LAMA2: variants seen among roughly 807,000 people sequenced by gnomAD.
LAMA2 encodes the protein laminin subunit alpha-2.
In LAMA2, 269 loss-of-function variants were observed where a neutral mutation model predicts 364.8. The observed-to-expected ratio is 0.74, with a 90% confidence interval of 0.67 to 0.82. LAMA2 has a LOEUF of 0.82. Among genes scored for constraint, LAMA2 ranks in the 40% least tolerant of loss-of-function variants. The probability of loss-of-function intolerance (pLI) is 0.00; values close to 1 mark genes in which losing one functional copy is unlikely to be tolerated. For synonymous variants in LAMA2, 1,379 were observed against 1,370.6 expected, an observed-to-expected ratio of 1.01 and a Z score of -0.14; for missense variants, 3,807 against 3,873.2, an observed-to-expected ratio of 0.98 and a Z score of 0.45.
intron 3 of LAMA2, among the ~76,000 whole-genome samples, chr6:129,067,943 C>T (rs1281209913): frequency 2.0e-5 from 3 of 152,182 alleles, no homozygotes; most frequent in African/African-American, 2.4e-5. Context: ...AAACCACTTT[C>T]CTGCTTTATT....
At chr6:128,886,478 A>T (rs1481215649) in intron 1 of LAMA2, among the ~76,000 whole-genome samples, 1 of 152,218 alleles carries the variant, frequency 6.6e-6, no homozygotes, top group East Asian at 1.9e-4. Flanking sequence ...ATAGAAGCAC[A>T]TAGGTCTGTT....
At chr6:129,477,933 C>T (rs1036842561) in intron 53 of LAMA2, among the ~76,000 whole-genome samples, 13 of 152,112 alleles carry the variant, frequency 8.5e-5, no homozygotes, top group African/African-American at 2.9e-4. Context: ...TCCAGGCACA[C>T]ACCAACATGC....
At chr6:129,177,234 G>T (rs1019138502) in intron 9 of LAMA2, among the ~76,000 whole-genome samples, 1 of 152,136 alleles carries the variant, frequency 6.6e-6, no homozygotes, top group African/African-American at 2.4e-5. Flanking sequence ...CCAGTGGCAT[G>T]TTCTTAGAGT....
At chr6:129,006,301 T>G (rs1000189780) in intron 1 of LAMA2, among the ~76,000 whole-genome samples, 1 of 152,216 alleles carries the variant, frequency 6.6e-6, no homozygotes, top group Non-Finnish European at 1.5e-5. Flanking sequence ...AATGGAAATT[T>G]TAACATGCTT....
chr6:129,189,310 T>C (rs187970766), intron 10 of LAMA2, among the ~76,000 whole-genome samples: 1 of 152,248 alleles, frequency 6.6e-6, no homozygotes, highest in Non-Finnish European at 1.5e-5. Context: ...AATGCGTATG[T>C]AGGGAATATT....
At chr6:129,214,948 T>C (rs930955541) in intron 12 of LAMA2, among the ~76,000 whole-genome samples, 1 of 152,234 alleles carries the variant, frequency 6.6e-6, no homozygotes, top group African/African-American at 2.4e-5. Flanking sequence ...TTGATTTCTT[T>C]CACTGGAGTT....
intron 52 of LAMA2, among the ~76,000 whole-genome samples, chr6:129,474,966 C>T (rs955402777): frequency 6.6e-6 from 1 of 152,072 alleles, no homozygotes; most frequent in South Asian, 2.1e-4. Context: ...GACAGGTTCT[C>T]AGTATGACAA....
intron 1 of LAMA2, among the ~76,000 whole-genome samples, chr6:128,998,356 T>G (rs1784133305): frequency 6.6e-6 from 1 of 152,198 alleles, no homozygotes; most frequent in African/African-American, 2.4e-5. Flanking sequence ...TCTTATAGAA[T>G]ATTGTTTCTA....
At chr6:129,380,499 C>G (rs768641938) in intron 34 of LAMA2, among the ~76,000 whole-genome samples, 46 of 152,224 alleles carry the variant, frequency 3.0e-4, no homozygotes, top group Non-Finnish European at 6.3e-4. Flanking sequence ...GAGCCAATTA[C>G]TAAGTAATTC....
intron 12 of LAMA2, among the ~76,000 whole-genome samples, chr6:129,207,715 T>A (rs1782772246): frequency 6.6e-6 from 1 of 152,114 alleles, no homozygotes; most frequent in East Asian, 1.9e-4. Context: ...ATTTTTATAA[T>A]GAAATACAAT....
At chr6:129,209,731 C>T (rs1252359794) in intron 12 of LAMA2, among the ~76,000 whole-genome samples, 1 of 152,130 alleles carries the variant, frequency 6.6e-6, no homozygotes. Flanking sequence ...TGGCCGGGCG[C>T]GGTGGCTCAC....
At chr6:129,510,410 G>C (rs925704120) in intron 62 of LAMA2, among the ~76,000 whole-genome samples, 3 of 152,000 alleles carry the variant, frequency 2.0e-5, no homozygotes, top group African/African-American at 7.2e-5. Context: ...TAAGTGAAAG[G>C]TCTCTACAAT....
chr6:129,478,188 T>G (rs1223661069), intron 53 of LAMA2, among the ~76,000 whole-genome samples: 1 of 152,182 alleles, frequency 6.6e-6, no homozygotes, highest in Non-Finnish European at 1.5e-5. Context: ...TAAAGAGATA[T>G]GTAATATTAT....
At chr6:129,205,493 T>TATACAC (rs1343472728) in intron 12 of LAMA2, among the ~76,000 whole-genome samples, 1 of 104,268 alleles carries the variant, frequency 9.6e-6, no homozygotes, top group South Asian at 3.1e-4. Context: ...TATATATATA[T>TATACAC]ACACACACAC....
rs758364444 is a variant in LAMA2, at chr6:129,445,633, G to A, written c.6275-34G>A. ...ATTCTGTGTGTGCACGTGTGTGCAT[G>A]CATATACATGCACACTAATTTTGTT... On this transcript the variant is annotated intron_variant, in intron 44 of 64. Coordinates refer to ENST00000421865, the MANE Select transcript of LAMA2 (RefSeq NM_000426.4). 3.1e-6 allele frequency: 5 copies of A among 1,593,892 alleles called. 1 individual carries two copies. The South Asian group carries it at 4.4e-5, about 14-fold the overall frequency.
chr6:129,415,009 A>G (rs1392692767), intron 40 of LAMA2, among the ~76,000 whole-genome samples: 6 of 152,168 alleles, frequency 3.9e-5, no homozygotes, highest in African/African-American at 1.4e-4. Flanking sequence ...CAGTTTCCCA[A>G]TATAGGTACA....
intron 1 of LAMA2, among the ~76,000 whole-genome samples, chr6:128,910,307 C>A (rs1286930004): frequency 1.3e-5 from 2 of 152,200 alleles, no homozygotes; most frequent in African/African-American, 4.8e-5. Flanking sequence ...TTCACATAGT[C>A]CCATATTTCT....
chr6:129,196,936 C>T (rs1325199214), intron 12 of LAMA2, among the ~76,000 whole-genome samples: 1 of 152,092 alleles, frequency 6.6e-6, no homozygotes, highest in East Asian at 1.9e-4. Context: ...CCAAAGAAAC[C>T]TAAAGAAACC....
chr6:129,128,567 T>C (rs1257587821), intron 4 of LAMA2, among the ~76,000 whole-genome samples: 1 of 152,226 alleles, frequency 6.6e-6, no homozygotes, highest in Non-Finnish European at 1.5e-5. Flanking sequence ...TGCACTGAAA[T>C]CTGTAGATTG....
Sources: gnomAD v4.1 joint callset for allele counts (sites outside exome capture counted in the v4.1 genomes callset) on GRCh38, gnomAD v4.1.1 for gene constraint, MANE v1.5 for transcripts, NCBI Gene and HGNC (gene_info 2026-07-23, HGNC 2026-07-21) for gene names.